Variants in ETV6 observed in about 807,000 individuals in gnomAD.
ETV6 encodes ETS variant transcription factor 6, also known as transcription factor ETV6.
A neutral mutation model predicts 51.1 loss-of-function variants in ETV6; 16 were observed. The ratio of observed to expected loss-of-function variants is 0.31; its 90% confidence interval spans 0.21 to 0.48. ETV6 has a LOEUF of 0.48. Among genes scored for constraint, ETV6 ranks in the 20% least tolerant of loss-of-function variants. The probability of loss-of-function intolerance (pLI) is 0.99; values close to 1 mark genes in which losing one functional copy is unlikely to be tolerated. For synonymous variants in ETV6, 240 were observed against 224.1 expected (o/e 1.07, Z -0.64); for missense variants, 458 against 594.8 (o/e 0.77, Z 2.39).
chr12:11,692,456 T>C (rs1026382217), intron 1 of ETV6, among the ~76,000 whole-genome samples: 2 of 152,206 alleles, frequency 1.3e-5, no homozygotes, highest in African/African-American at 4.8e-5. Flanking sequence ...TTAATTTTGT[T>C]CCTCCCACTA....
intron 1 of ETV6, among the ~76,000 whole-genome samples, chr12:11,704,815 A>G (rs1051071754): frequency 6.6e-6 from 1 of 152,084 alleles, no homozygotes; most frequent in Non-Finnish European, 1.5e-5. Flanking sequence ...AACAACTAAA[A>G]TCTACATATT....
At chr12:11,811,441 C>G (rs1056979323) in intron 2 of ETV6, among the ~76,000 whole-genome samples, 3 of 152,154 alleles carry the variant, frequency 2.0e-5, no homozygotes, top group Non-Finnish European at 4.4e-5. Flanking sequence ...ACTTCCCAGC[C>G]CTTCCTTGGG....
Position 11,892,848 on chromosome 12 carries a change from C to CAGAT in ETV6, c.*1803_*1806dup, listed in dbSNP as rs1389302967. 6.4e-5 allele frequency: 15 copies of CAGAT among 232,888 alleles called. No individual in the cohort carries two copies. The highest frequency in any genetic ancestry group is 1.8e-4 in the South Asian group (1 of 5,528). The allele number at this position is 232,888 out of a possible 1,614,324, so 14.4% of individuals were successfully genotyped here. The stretch of plus-strand genomic sequence containing the variant: ...CAAGGACACCAACCTAGGGTGCAAA[C>CAGAT]AGATGGACTATGGTTCAAGGACACT... On this transcript the variant is annotated 3_prime_UTR_variant, in exon 8 of 8. Coordinates refer to ENST00000396373, the MANE Select transcript of ETV6 (RefSeq NM_001987.5).
chr12:11,831,256 C>T (rs541361157), intron 2 of ETV6, among the ~76,000 whole-genome samples: 53 of 152,272 alleles, frequency 3.5e-4, no homozygotes, highest in African/African-American at 1.3e-3. Flanking sequence ...AATAGAGTCT[C>T]ACTCTGTTGC....
chr12:11,667,737 C>T (rs193268301), intron 1 of ETV6, among the ~76,000 whole-genome samples: 9 of 136,966 alleles, frequency 6.6e-5, no homozygotes, highest in East Asian at 2.2e-4. Context: ...GAGTCTCACT[C>T]GGCCGCCCAG....
At chr12:11,784,958 C>T (rs531879178) in intron 2 of ETV6, among the ~76,000 whole-genome samples, 3 of 150,772 alleles carry the variant, frequency 2.0e-5, no homozygotes, top group African/African-American at 7.4e-5. Context: ...CCTCCTACCG[C>T]AGCCTCCCAA....
intron 2 of ETV6, among the ~76,000 whole-genome samples, chr12:11,766,050 G>C (rs1016298344): frequency 6.6e-6 from 1 of 152,110 alleles, no homozygotes; most frequent in African/African-American, 2.4e-5. Flanking sequence ...GCAAGGGCAC[G>C]GGAGAATGAA....
intron 1 of ETV6, among the ~76,000 whole-genome samples, chr12:11,742,078 T>C (rs1865821736): frequency 6.6e-6 from 1 of 152,248 alleles, no homozygotes; most frequent in Admixed American, 6.5e-5. Flanking sequence ...TGCACACTAA[T>C]AGTTTTAATG....
intron 2 of ETV6, among the ~76,000 whole-genome samples, chr12:11,758,709 T>C (rs1213704574): frequency 1.3e-5 from 2 of 152,200 alleles, no homozygotes; most frequent in Non-Finnish European, 2.9e-5. Context: ...ATCACATCAG[T>C]GTTCCAAAAA....
rs766608272 is a variant in ETV6, at chr12:11,725,322, C to T, written c.34-27128C>T. Reference sequence around the variant, plus strand: ...CTCAAAATGAGAGAAAAGACACTGACGAGGACTTGGCAGCCCCGAGCTTTT... The same window carrying T: ...CTCAAAATGAGAGAAAAGACACTGATGAGGACTTGGCAGCCCCGAGCTTTT... On this transcript the variant is annotated intron_variant, in intron 1 of 7. Transcript: ENST00000396373. Among the ~76,000 whole-genome samples the T allele has an allele frequency of 3.3e-5, 5 of 152,208 alleles. No homozygotes were observed. The South Asian group carries it at 8.3e-4, about 25-fold the overall frequency.
At chr12:11,694,937 A>G (rs908500962) in intron 1 of ETV6, among the ~76,000 whole-genome samples, 5 of 152,242 alleles carry the variant, frequency 3.3e-5, no homozygotes, top group Middle Eastern at 3.2e-3. Context: ...GTGATTTAAA[A>G]AAACAAAATT....
chr12:11,785,893 G>T (rs374262220), intron 2 of ETV6, among the ~76,000 whole-genome samples: 1 of 152,154 alleles, frequency 6.6e-6, no homozygotes, highest in South Asian at 2.1e-4. Flanking sequence ...GGACACTGGC[G>T]TTAGCTGGAA....
At chr12:11,835,934 G>T (rs982975745) in intron 2 of ETV6, among the ~76,000 whole-genome samples, 12 of 152,208 alleles carry the variant, frequency 7.9e-5, no homozygotes, top group Non-Finnish European at 1.5e-4. Flanking sequence ...CCTTAAATGC[G>T]TTGGGCCTCA....
At chr12:11,804,419 C>G (rs1339789038) in intron 2 of ETV6, among the ~76,000 whole-genome samples, 2 of 152,232 alleles carry the variant, frequency 1.3e-5, no homozygotes, top group African/African-American at 4.8e-5. Flanking sequence ...CCTCTCCACC[C>G]TCATCCTCCA....
intron 2 of ETV6, among the ~76,000 whole-genome samples, chr12:11,773,407 T>A (rs182368627): frequency 1.3e-5 from 2 of 152,312 alleles, no homozygotes; most frequent in African/African-American, 4.8e-5. Flanking sequence ...CTTGACATGA[T>A]GTCGGAATGA....
chr12:11,792,828 T>C (rs1000928183), intron 2 of ETV6, among the ~76,000 whole-genome samples: 1 of 152,220 alleles, frequency 6.6e-6, no homozygotes, highest in African/African-American at 2.4e-5. Flanking sequence ...TAAAAAGCAT[T>C]AAGTTTTATT....
rs796153958 is a variant in ETV6 at position 11,650,496 on chromosome 12, CAAAAAACA to C, written c.33+343_33+350del. Among the ~76,000 whole-genome samples, 50 of 111,452 alleles carry C rather than the reference CAAAAAACA, an allele frequency of 4.5e-4. 2 individuals are homozygous for C. The highest frequency in any genetic ancestry group is 1.4e-3 in the African/African-American group (35 of 25,090). The allele number at this position is 111,452 out of a possible 152,430, so 73.1% of individuals were successfully genotyped here. ...TTAGTGCGCTTAAAAAAAAAAAAAA[CAAAAAACA>C]AAAAAAAAAAACCTGCTCCCTATTC... On this transcript the variant is annotated intron_variant, in intron 1 of 7. Transcript: ENST00000396373.
At chr12:11,764,293 G>A (rs1398453770) in intron 2 of ETV6, among the ~76,000 whole-genome samples, 1 of 152,188 alleles carries the variant, frequency 6.6e-6, no homozygotes, top group African/African-American at 2.4e-5. Context: ...TAAGACAGAT[G>A]GAAAACTAGA....
intron 1 of ETV6, among the ~76,000 whole-genome samples, chr12:11,732,997 G>C (rs903485893): frequency 6.6e-6 from 1 of 152,154 alleles, no homozygotes; most frequent in African/African-American, 2.4e-5. Context: ...TAGCACCACT[G>C]TGTGACATTG....
Sources: gnomAD v4.1 joint callset for allele counts (sites outside exome capture counted in the v4.1 genomes callset) on GRCh38, gnomAD v4.1.1 for gene constraint, MANE v1.5 for transcripts, NCBI Gene and HGNC (gene_info 2026-07-23, HGNC 2026-07-21) for gene names.